The following RABL2B variants were observed in gnomAD, a reference collection of about 807,000 sequenced individuals.
The protein encoded by RABL2B is RAB, member of RAS oncogene family like 2B.
Under a neutral mutation model 26.7 loss-of-function variants are expected in RABL2B, and 17 were observed. The observed-to-expected ratio is 0.64, with a 90% CI of 0.44 to 0.95. The LOEUF is 0.95. Among genes scored for constraint, RABL2B ranks in the 40% least tolerant of loss-of-function variants. RABL2B has a pLI of 0.00. For synonymous variants in RABL2B, 70 were observed against 103.9 expected (o/e 0.67, Z 1.99); for missense variants, 170 against 277.2 (o/e 0.61, Z 2.75).
At chr22:50,775,416 G>C (rs1367366448) in intron 5 of RABL2B, among the ~76,000 whole-genome samples, 1 of 152,172 alleles carries the variant, frequency 6.6e-6, no homozygotes, top group South Asian at 2.1e-4. Context: ...CCTAGGGAAA[G>C]GCAGCAGGCA....
At chr22:50,781,395 T>TG (rs1555928979) in intron 2 of RABL2B, among the ~76,000 whole-genome samples, 2 of 92,658 alleles carry the variant, frequency 2.2e-5, no homozygotes, top group East Asian at 6.7e-4. Flanking sequence ...GATTGTGTGG[T>TG]GGGGAAGAGA....
At chr22:50,779,809 C>A (rs6010086) in intron 2 of RABL2B, among the ~76,000 whole-genome samples, 199 of 152,092 alleles carry the variant, frequency 1.3e-3, no homozygotes, top group African/African-American at 4.6e-3. Flanking sequence ...CATGGCAAAA[C>A]CTCTGCTAAA....
At chr22:50,776,279 C>T (rs1301588769) in intron 4 of RABL2B, among the ~76,000 whole-genome samples, 2 of 152,158 alleles carry the variant, frequency 1.3e-5, no homozygotes, top group African/African-American at 4.8e-5. Context: ...GGTCGCAGCC[C>T]GATGTGGGAG....
intron 5 of RABL2B, among the ~76,000 whole-genome samples, chr22:50,773,538 C>T (rs1292399964): frequency 1.3e-5 from 2 of 151,786 alleles, no homozygotes; most frequent in Non-Finnish European, 2.9e-5. Flanking sequence ...ATCAGTGGTG[C>T]AGGAGCACAC....
At chr22:50,775,255 C>T (rs185532268) in intron 5 of RABL2B, among the ~76,000 whole-genome samples, 5 of 152,220 alleles carry the variant, frequency 3.3e-5, no homozygotes, top group East Asian at 1.9e-4. Flanking sequence ...TCTCTTGGAG[C>T]GACTGCTTCA....
intron 5 of RABL2B, among the ~76,000 whole-genome samples, chr22:50,775,329 G>T (rs553593923): frequency 3.3e-5 from 5 of 152,102 alleles, no homozygotes; most frequent in African/African-American, 9.7e-5. Context: ...TGGGAGGCTC[G>T]GGGGGAGGCG....
chr22:50,769,827 C>T (rs373678555), intron 6 of RABL2B, 78 bp downstream of exon 6: 92,736 of 1,400,352 alleles, frequency 0.066, 5,258 homozygotes, highest in African/African-American at 0.3. Flanking sequence ...AGGTTGCCTG[C>T]CCGGGGAATG....
intron 5 of RABL2B, among the ~76,000 whole-genome samples, chr22:50,774,061 A>C (rs1298974861): frequency 6.6e-6 from 1 of 151,924 alleles, no homozygotes. Flanking sequence ...CGCCCGGCTA[A>C]TTTTTTTGTA....
intron 1 of RABL2B, 87 bp from the exon 2 acceptor site, chr22:50,782,434 C>T (rs2086038826): frequency 6.6e-7 from 1 of 1,522,088 alleles, no homozygotes; most frequent in African/African-American, 1.4e-5. Flanking sequence ...AGACTGCTTC[C>T]CTCAGTGCCA....
chr22:50,778,701 T>TG (rs1476010395), intron 2 of RABL2B, among the ~76,000 whole-genome samples: 1 of 142,360 alleles, frequency 7.0e-6, no homozygotes, highest in African/African-American at 2.7e-5. Flanking sequence ...GAAATGCTCC[T>TG]GCCAAATATC....
chr22:50,770,031 G>T lies in RABL2B; in HGVS notation c.298-15C>A, dbSNP rs1441098933. On this transcript the variant is annotated splice_polypyrimidine_tract_variant and intron_variant, in intron 5 of 8. Coordinates refer to ENST00000691320, the MANE Select transcript of RABL2B (RefSeq NM_001130919.3). ...ACATCAAACACCTGCAAAGGGCAGA[G>T]GAAGAAAGATAGCTCAGGTATGTCA... The T allele has an allele frequency of 3.1e-6, 5 of 1,613,754 alleles. No homozygotes were observed. The highest frequency in any genetic ancestry group is 4.2e-6 in the Non-Finnish European group (5 of 1,179,838).
chr22:50,773,917 C>T (rs552135537), intron 5 of RABL2B, among the ~76,000 whole-genome samples: 49 of 151,866 alleles, frequency 3.2e-4, no homozygotes, highest in South Asian at 6.2e-4. Flanking sequence ...TTTTTTGAGA[C>T]GGAGTCTCGC....
intron 5 of RABL2B, among the ~76,000 whole-genome samples, chr22:50,773,664 G>A (rs2084527039): frequency 1.3e-5 from 2 of 151,530 alleles, no homozygotes; most frequent in Admixed American, 1.3e-4. Flanking sequence ...GCTGGGGAGA[G>A]GCTGAGGGAA....
At position 50,776,662 on chromosome 22, in the gene RABL2B, C is replaced by T; in HGVS notation, c.217+8G>A. ...AGGGTCAGCATGTCTTGGCCCTGTG[C>T]CACTTACCCACAAGGATGGTCCTTC... On this transcript the variant is annotated splice_region_variant and intron_variant, in intron 4 of 8. Transcript: ENST00000691320. The T allele has an allele frequency of 6.2e-7, 1 of 1,603,296 alleles. No individual in the cohort carries two copies. The highest frequency in any genetic ancestry group is 8.5e-7 in the Non-Finnish European group (1 of 1,174,640).
intron 5 of RABL2B, among the ~76,000 whole-genome samples, chr22:50,773,953 G>A (rs1211613969): frequency 6.6e-6 from 1 of 151,996 alleles, no homozygotes; most frequent in East Asian, 1.9e-4. Context: ...GGAGTGCAGT[G>A]GCGTGATCTC....
At chr22:50,769,737 G>A in intron 6 of RABL2B, 168 bp downstream of exon 6, 1 of 893,818 alleles carries the variant, frequency 1.1e-6, no homozygotes, top group Non-Finnish European at 1.7e-6. Context: ...CGGCTTAGCT[G>A]GCTTCTTTAT....
chr22:50,774,249 G>T (rs1191085001), intron 5 of RABL2B, among the ~76,000 whole-genome samples: 3 of 152,178 alleles, frequency 2.0e-5, no homozygotes, highest in Admixed American at 1.3e-4. Flanking sequence ...TCCATCCCAT[G>T]TGTTCTTTTA....
intron 1 of RABL2B, 63 bp downstream of exon 1, chr22:50,783,438 G>A (rs1370391520): frequency 1.3e-5 from 2 of 152,270 alleles, no homozygotes; most frequent in South Asian, 4.1e-4. Flanking sequence ...CACACCGCTA[G>A]GGAGGCCTCG....
intron 2 of RABL2B, chr22:50,780,819 T>G (rs541897340): frequency 2.2e-6 from 1 of 454,110 alleles, no homozygotes; most frequent in East Asian, 7.2e-5. Flanking sequence ...GAGACTAGCA[T>G]TGAACTTGGG....
Sources: allele counts gnomAD v4.1 joint callset (sites outside exome capture counted in the v4.1 genomes callset), GRCh38; gene constraint gnomAD v4.1.1; transcripts MANE v1.5; gene names NCBI Gene and HGNC (gene_info 2026-07-23, HGNC 2026-07-21).